The following CAND2 variants were observed in gnomAD, a reference collection of about 807,000 sequenced individuals.
The protein encoded by CAND2 is cullin-associated NEDD8-dissociated protein 2.
A neutral mutation model predicts 98.9 loss-of-function variants in CAND2; 62 were observed. That is an observed-to-expected ratio of 0.63 (90% CI 0.51 to 0.77). CAND2 has a LOEUF of 0.77. Among genes scored for constraint, CAND2 ranks in the 30% least tolerant of loss-of-function variants. The pLI is 0.00. For synonymous variants in CAND2, 770 were observed against 731.9 expected, an observed-to-expected ratio of 1.05 and a Z score of -0.84; for missense variants, 1,501 against 1,655.2, an observed-to-expected ratio of 0.91 and a Z score of 1.62.
At chr3:12,807,031 G>T in intron 2 of CAND2, 1 of 342,156 alleles carries the variant, frequency 2.9e-6, no homozygotes, top group Non-Finnish European at 5.3e-6. Context: ...AGGGGATTCA[G>T]ATGCACCCTC....
At chr3:12,828,506 T>A (rs1402599634) in intron 13 of CAND2, among the ~76,000 whole-genome samples, 1 of 151,744 alleles carries the variant, frequency 6.6e-6, no homozygotes, top group African/African-American at 2.4e-5. Context: ...CTCAGCTAAA[T>A]TTTTTTTGTA....
rs779562361 is a variant in CAND2 at position 12,833,802 on chromosome 3, G to T, written c.3531G>T (p.Leu1177=). The T allele has an allele frequency of 6.2e-7, 1 of 1,614,204 alleles. No homozygotes were observed. Among genetic ancestry groups the T allele is most frequent in the Non-Finnish European group, 8.5e-7 (1 of 1,180,040 alleles). The change falls in exon 15 of 15, where the codon CTG becomes CTT. Residue 1177 remains leucine, a synonymous_variant. Coordinates refer to ENST00000456430, the MANE Select transcript of CAND2 (RefSeq NM_001162499.2). Reference sequence around the variant, plus strand: ...AGGAGTTTGAAAAGCAAGATGAACTGAAGCGCTCTGCAATGAGGGCAGTGG... The same window carrying T: ...AGGAGTTTGAAAAGCAAGATGAACTTAAGCGCTCTGCAATGAGGGCAGTGG... ...VKQEFEKQDE[L]KRSAMRAVAA...
intron 7 of CAND2, among the ~76,000 whole-genome samples, chr3:12,813,993 T>C (rs2061875996): frequency 1.3e-5 from 2 of 152,106 alleles, no homozygotes; most frequent in South Asian, 4.1e-4. Context: ...TAGAGCCTGA[T>C]GGGGTACTTG....
At chr3:12,829,372 C>A (rs1458920352) in intron 13 of CAND2, among the ~76,000 whole-genome samples, 4 of 152,186 alleles carry the variant, frequency 2.6e-5, no homozygotes, top group African/African-American at 9.7e-5. Flanking sequence ...GTCTTGAACT[C>A]CTGACCTCAG....
intron 2 of CAND2, among the ~76,000 whole-genome samples, chr3:12,806,212 G>T (rs921105894): frequency 2.6e-5 from 4 of 152,220 alleles, no homozygotes; most frequent in African/African-American, 9.7e-5. Flanking sequence ...TCTCATCTGT[G>T]TAGGAGGATC....
chr3:12,834,318 A>AC lies in CAND2; in HGVS notation c.*336_*337insC. 2 of 287,736 alleles carry AC rather than the reference A, an allele frequency of 7.0e-6. No individual in the cohort carries two copies. Among genetic ancestry groups the AC allele is most frequent in the South Asian group, 1.2e-4 (2 of 16,622 alleles). The allele number at this position is 287,736 out of a possible 1,614,324, so 17.8% of individuals were successfully genotyped here. A position where few individuals can be genotyped will look rare whatever the true frequency, so the allele number is the denominator to read the frequency against. On this transcript the variant is annotated 3_prime_UTR_variant, in exon 15 of 15. Coordinates refer to ENST00000456430, the MANE Select transcript of CAND2 (RefSeq NM_001162499.2). ...GGGTGTCTCTGCCTCACAAACTAGT[A>AC]GTATTTAGAAATAGGCTGTGCTGTC...
chr3:12,802,375 G>A (rs2061772852), intron 1 of CAND2, among the ~76,000 whole-genome samples: 1 of 152,212 alleles, frequency 6.6e-6, no homozygotes, highest in South Asian at 2.1e-4. Context: ...TTTCTCAGCT[G>A]TTGTGAGATG....
chr3:12,803,165 A>G (rs1054035943), intron 1 of CAND2, among the ~76,000 whole-genome samples: 1 of 151,780 alleles, frequency 6.6e-6, no homozygotes, highest in Non-Finnish European at 1.5e-5. Context: ...AATTTTTTGT[A>G]TTTTGTTTAG....
intron 11 of CAND2, among the ~76,000 whole-genome samples, chr3:12,824,341 C>T (rs1394888811): frequency 6.6e-6 from 1 of 152,158 alleles, no homozygotes; most frequent in African/African-American, 2.4e-5. Flanking sequence ...ATTCATTCCT[C>T]ACAGTTGTGG....
Position 12,807,448 on chromosome 3 carries a change from C to T in CAND2, c.355C>T (p.Pro119Ser). 6.4e-7 allele frequency: 1 copy of T among 1,551,538 alleles called. No homozygotes were observed. Among genetic ancestry groups the T allele is most frequent in the Non-Finnish European group, 8.7e-7 (1 of 1,146,910 alleles). The change falls in exon 3 of 15, where the codon CCT becomes TCT. Residue 119 changes from proline (P) to serine (S), a missense_variant. Pro to Ser is a moderately conservative substitution (Grantham distance 74). Coordinates refer to ENST00000456430, the MANE Select transcript of CAND2 (RefSeq NM_001162499.2). Reference protein sequence around the residue: ...GLKTVLSELPPAATGSGLATN... With the variant: ...GLKTVLSELPSAATGSGLATN... Reference sequence around the variant, plus strand: ...CAAGACCGTCCTCTCGGAGCTCCCTCCTGCAGCCACAGGTACCCAGGTCCC... The same window carrying T: ...CAAGACCGTCCTCTCGGAGCTCCCTTCTGCAGCCACAGGTACCCAGGTCCC...
intron 10 of CAND2, among the ~76,000 whole-genome samples, chr3:12,819,430 C>T (rs755133245): frequency 3.9e-5 from 6 of 152,234 alleles, no homozygotes; most frequent in Non-Finnish European, 7.3e-5. Context: ...GGAGCGTCCA[C>T]CCATTCGTTT....
chr3:12,808,747 A>G (rs981352874), intron 4 of CAND2, among the ~76,000 whole-genome samples: 5 of 152,148 alleles, frequency 3.3e-5, no homozygotes, highest in African/African-American at 1.2e-4. Flanking sequence ...TCTAAAAGAG[A>G]GTGCTGCTAG....
rs2062083820 is a variant in CAND2 at position 12,834,559 on chromosome 3, T to C, written c.*577T>C. On this transcript the variant is annotated 3_prime_UTR_variant, in exon 15 of 15. Transcript: ENST00000456430. ...CTTTTTTCCAGGGAGGAGGAATGGG[T>C]TGGGTAGGGAACTGGACAGGCTTGG... The C allele has an allele frequency of 6.5e-6, 1 of 154,712 alleles. No homozygotes were observed. The highest frequency in any genetic ancestry group is 6.3e-5 in the Admixed American group (1 of 15,900). 9.6% of individuals were successfully genotyped at this position (154,712 alleles called of 1,614,324 possible).
At chr3:12,819,983 T>C (rs879260724) in intron 10 of CAND2, 103 bp from the exon 11 acceptor site, 39 of 889,602 alleles carry the variant, frequency 4.4e-5, no homozygotes, top group Non-Finnish European at 6.6e-5. Context: ...GGTACAGTTC[T>C]GTTTTCCAGG....
chr3:12,796,981 C>T (rs2061730487), intron 1 of CAND2, among the ~76,000 whole-genome samples, 193 bp downstream of exon 1: 1 of 151,830 alleles, frequency 6.6e-6, no homozygotes, highest in African/African-American at 2.4e-5. Flanking sequence ...TCCGGCCGTT[C>T]TCCCCTAGGG....
At chr3:12,804,792 CTG>C (rs2061793719) in intron 2 of CAND2, among the ~76,000 whole-genome samples, 1 of 152,160 alleles carries the variant, frequency 6.6e-6, no homozygotes, top group Non-Finnish European at 1.5e-5. Flanking sequence ...AAACCACTGT[CTG>C]TGAGCTGGGT....
rs562207886 is a variant in CAND2, at chr3:12,805,168, G to A, written c.212+1537G>A. Reference sequence around the variant, plus strand: ...GTGATGGTAGAAGTGATGAAGTCACGAGAAGCCTGCATCTACACGTGAACT... The same window carrying A: ...GTGATGGTAGAAGTGATGAAGTCACAAGAAGCCTGCATCTACACGTGAACT... On this transcript the variant is annotated intron_variant, in intron 2 of 14. Coordinates refer to ENST00000456430, the MANE Select transcript of CAND2 (RefSeq NM_001162499.2). Among the ~76,000 whole-genome samples, 6 of 152,210 alleles carry A rather than the reference G, an allele frequency of 3.9e-5. No homozygotes were observed. The South Asian group carries it at 8.3e-4, about 21-fold the overall frequency.
intron 13 of CAND2, among the ~76,000 whole-genome samples, chr3:12,829,797 T>G (rs2062038545): frequency 2.0e-5 from 3 of 152,238 alleles, no homozygotes; most frequent in African/African-American, 7.2e-5. Context: ...ACACACATGC[T>G]GTTTTTTTCC....
intron 1 of CAND2, among the ~76,000 whole-genome samples, chr3:12,800,213 T>C (rs886804244): frequency 6.6e-6 from 1 of 152,166 alleles, no homozygotes; most frequent in Non-Finnish European, 1.5e-5. Context: ...CCAGCCTCCT[T>C]CTCTCTCCTA....
Sources: allele counts gnomAD v4.1 joint callset (sites outside exome capture counted in the v4.1 genomes callset), GRCh38; gene constraint gnomAD v4.1.1; transcripts MANE v1.5; gene names NCBI Gene and HGNC (gene_info 2026-07-23, HGNC 2026-07-21).